Variants in HK1 observed in about 807,000 individuals in gnomAD.
The protein encoded by HK1 is hexokinase-1.
HK1 carries 28 observed loss-of-function variants against 91.6 expected under a neutral mutation model. The ratio of observed to expected loss-of-function variants is 0.31; its 90% CI spans 0.23 to 0.42. HK1 has a LOEUF of 0.42. Among genes scored for constraint, HK1 ranks in the 10% least tolerant of loss-of-function variants. HK1 has a pLI of 1.00. For missense variants in HK1, 770 were observed against 1,219.8 expected (o/e 0.63, Z 5.49); for synonymous variants, 430 against 468.1 (o/e 0.92, Z 1.05).
At chr10:69,368,473 C>G (rs1322826098) in intron 4 of HK1, 63 bp from the exon 5 acceptor site, 1 of 1,406,188 alleles carries the variant, frequency 7.1e-7, no homozygotes, top group Non-Finnish European at 1.0e-6. Flanking sequence ...GAGCAATGCC[C>G]AGGGCCTTGG....
chr10:69,333,115 G>C (rs1488357528), intron 1 of HK1, among the ~76,000 whole-genome samples: 2 of 152,234 alleles, frequency 1.3e-5, no homozygotes, highest in African/African-American at 4.8e-5. Flanking sequence ...CATGATTGCT[G>C]TTTTACTGAT....
chr10:69,311,484 C>T (rs543985093), upstream of HK1, among the ~76,000 whole-genome samples: 1 of 152,280 alleles, frequency 6.6e-6, no homozygotes, highest in Non-Finnish European at 1.5e-5. Flanking sequence ...CTCAGGGTAA[C>T]TGGCAAGGTG....
intron 1 of HK1, among the ~76,000 whole-genome samples, chr10:69,282,036 G>T (rs1463299141): frequency 3.3e-5 from 5 of 152,136 alleles, no homozygotes; most frequent in African/African-American, 1.2e-4. Context: ...ATAAAACAAA[G>T]AATTAAGGCT....
chr10:69,313,504 C>T (rs151197539), upstream of HK1, among the ~76,000 whole-genome samples: 180 of 152,112 alleles, frequency 1.2e-3, 6 homozygotes, highest in East Asian at 0.033. Context: ...CTTTTGTGGC[C>T]CAGACTGGAG....
Position 69,379,918 on chromosome 10 carries a change from C to T in HK1, c.1088C>T (p.Pro363Leu), listed in dbSNP as rs911012766. Residue 363 changes from proline (P) to leucine (L), a missense_variant, in exon 9 of 18, where the codon CCG becomes CTG. By Grantham distance (98) the Pro-to-Leu change is moderately conservative. Transcript: ENST00000359426. The part of the protein sequence containing the change: ...KEILTRLGVE[P>L]SDDDCVSVQH... ...ATCCTGACCCGCCTGGGAGTGGAGC[C>T]GTCCGATGATGACTGTGTCTCAGTC... 8.7e-6 allele frequency: 14 copies of T among 1,614,162 alleles called. No individual in the cohort carries two copies. Among genetic ancestry groups the T allele is most frequent in the Non-Finnish European group, 1.2e-5 (14 of 1,180,010 alleles).
chr10:69,375,436 G>A (rs1470475046), intron 7 of HK1, among the ~76,000 whole-genome samples: 1 of 152,186 alleles, frequency 6.6e-6, no homozygotes, highest in Non-Finnish European at 1.5e-5. Flanking sequence ...ACAGGAGCCT[G>A]GGGTGGCACC....
intron 9 of HK1, among the ~76,000 whole-genome samples, chr10:69,381,552 T>C (rs1839388753): frequency 6.6e-6 from 1 of 150,408 alleles, no homozygotes; most frequent in Non-Finnish European, 1.5e-5. Context: ...TAACCTTTTT[T>C]TTTTTTTTTT....
intron 1 of HK1, among the ~76,000 whole-genome samples, chr10:69,326,742 A>G (rs1010265678): frequency 2.6e-5 from 4 of 152,162 alleles, no homozygotes; most frequent in Non-Finnish European, 4.4e-5. Context: ...CACAATTACA[A>G]TTACATTACA....
At chr10:69,324,260 A>G (rs1310283333) in intron 1 of HK1, among the ~76,000 whole-genome samples, 1 of 152,180 alleles carries the variant, frequency 6.6e-6, no homozygotes, top group Non-Finnish European at 1.5e-5. Context: ...TGACAACTAT[A>G]AACAAGGCAG....
At chr10:69,325,210 C>G (rs1317939094) in intron 1 of HK1, among the ~76,000 whole-genome samples, 1 of 151,402 alleles carries the variant, frequency 6.6e-6, no homozygotes, top group Non-Finnish European at 1.5e-5. Flanking sequence ...TGCCACCACT[C>G]CCGTCTAATT....
rs776976315 is a variant in HK1, at chr10:69,380,135, T to C, written c.1265+40T>C. 8 of 1,494,888 alleles carry C rather than the reference T, an allele frequency of 5.4e-6. No homozygotes were observed. The highest frequency in any genetic ancestry group is 7.5e-6 in the Non-Finnish European group (8 of 1,071,274). The allele number at this position is 1,494,888 out of a possible 1,614,324, so 92.6% of individuals were successfully genotyped here. ...TGCTATCATTGGCACTCTGTACCCA[T>C]TGTGGGTAGGGACCTTCTCCAGAGA... On this transcript the variant is annotated intron_variant, in intron 9 of 17. Transcript: ENST00000359426. This position sits in a 1 kb window ranked among gnomAD's most constrained non-coding sequence, Gnocchi z 4.0.
At chr10:69,322,486 T>C (rs1847095101) in intron 1 of HK1, among the ~76,000 whole-genome samples, 1 of 152,142 alleles carries the variant, frequency 6.6e-6, no homozygotes, top group Non-Finnish European at 1.5e-5. Context: ...AGTCCTTGAG[T>C]ACTTGACCCA....
At chr10:69,367,480 C>T (rs2132806816) in intron 4 of HK1, among the ~76,000 whole-genome samples, 1 of 152,298 alleles carries the variant, frequency 6.6e-6, no homozygotes, top group East Asian at 1.9e-4. Flanking sequence ...TCCCACAACA[C>T]CTGGTTCTCT....
At chr10:69,324,827 A>G (rs948918683) in intron 1 of HK1, among the ~76,000 whole-genome samples, 1 of 152,172 alleles carries the variant, frequency 6.6e-6, no homozygotes, top group African/African-American at 2.4e-5. Flanking sequence ...CTTCTGGCCT[A>G]ATAAACCTTA....
intron 1 of HK1, among the ~76,000 whole-genome samples, chr10:69,320,979 C>A (rs558952725): frequency 6.6e-6 from 1 of 152,126 alleles, no homozygotes; most frequent in South Asian, 2.1e-4. Flanking sequence ...CTCCTCACTC[C>A]GAGTTTGGGA....
At position 69,401,782 on chromosome 10, in the gene HK1, T is replaced by C. The variant is rs5030886; in HGVS notation, c.*647T>C. On this transcript the variant is annotated 3_prime_UTR_variant, in exon 18 of 18. Transcript: ENST00000359426. ...CTGCGGAAATGTGTCTTGTCTCCATTTGGATAAAAGGAACCAACCAACAAA... is the reference window on the plus strand; with the variant it reads ...CTGCGGAAATGTGTCTTGTCTCCATCTGGATAAAAGGAACCAACCAACAAA... 1,053 of 169,664 alleles carry C rather than the reference T, an allele frequency of 6.2e-3. 5 individuals carry two copies. Among genetic ancestry groups the C allele is most frequent in the Non-Finnish European group, 9.0e-3 (699 of 77,866 alleles). 10.5% of individuals were successfully genotyped at this position (169,664 alleles called of 1,614,324 possible). A position where few individuals can be genotyped will look rare whatever the true frequency, so the allele number is the denominator to read the frequency against.
chr10:69,314,089 G>A (rs1052664722), upstream of HK1, among the ~76,000 whole-genome samples: 11 of 152,228 alleles, frequency 7.2e-5, no homozygotes, highest in Non-Finnish European at 2.9e-5. Context: ...TGGAGTCACA[G>A]TAACCTTCAC....
At chr10:69,385,625 A>T (rs1243884215) in intron 12 of HK1, among the ~76,000 whole-genome samples, 1 of 152,206 alleles carries the variant, frequency 6.6e-6, no homozygotes, top group Non-Finnish European at 1.5e-5. Context: ...GTGACCAGGC[A>T]GGAGTTCTGG....
At chr10:69,300,693 T>G (rs1845818032) in intron 4 of HK1, 6 of 884,030 alleles carry the variant, frequency 6.8e-6, no homozygotes, top group South Asian at 5.5e-5. Flanking sequence ...ATAACCATGC[T>G]TCATCATCAC....
Sources: allele counts gnomAD v4.1 joint callset (sites outside exome capture counted in the v4.1 genomes callset), GRCh38; gene constraint gnomAD v4.1.1; non-coding constraint Gnocchi (gnomAD v3.1); transcripts MANE v1.5; gene names NCBI Gene and HGNC (gene_info 2026-07-23, HGNC 2026-07-21).